Variants in CPT1C observed in about 807,000 individuals in gnomAD.
The protein encoded by CPT1C is palmitoyl thioesterase CPT1C.
A neutral mutation model predicts 97.3 loss-of-function variants in CPT1C; 61 were observed. That is an observed-to-expected ratio of 0.63 (90% confidence interval 0.51 to 0.78). CPT1C has a LOEUF of 0.78. Among genes scored for constraint, CPT1C ranks in the 30% least tolerant of loss-of-function variants. The pLI is 0.00. For missense variants in CPT1C, 975 were observed against 1,065.5 expected, an observed-to-expected ratio of 0.92 and a Z score of 1.18; for synonymous variants, 469 against 447.2, an observed-to-expected ratio of 1.05 and a Z score of -0.61.
chr19:49,700,843 C>A lies in CPT1C; in HGVS notation c.441C>A (p.Thr147=). 6.2e-7 allele frequency: 1 copy of A among 1,612,634 alleles called. No homozygotes were observed. Among genetic ancestry groups the A allele is most frequent in the Non-Finnish European group, 8.5e-7 (1 of 1,180,012 alleles). ...CCCACGGAGCCATGTCCTCCCCCAC[C>A]AAGACCTGGCTGGTATGGGAGGGGC... is the stretch of plus-strand genomic sequence containing the variant. ...LEPHGAMSSP[T]KTWLALVRIF... Residue 147 remains threonine (T), a synonymous_variant, in exon 5 of 20, where the codon ACC becomes ACA. Transcript: ENST00000598293.
At chr19:49,693,151 TACAG>T (rs2082448996) in intron 3 of CPT1C, among the ~76,000 whole-genome samples, 1 of 152,196 alleles carries the variant, frequency 6.6e-6, no homozygotes, top group Admixed American at 6.6e-5. Context: ...GCGCTTGGGT[TACAG>T]GAATGAGCCA....
rs754894318 is a variant in CPT1C at position 49,705,255 on chromosome 19, C to T, written c.921C>T (p.Tyr307=). The T allele has an allele frequency of 3.1e-6, 5 of 1,611,042 alleles. No homozygotes were observed. The highest frequency in any genetic ancestry group is 2.2e-5 in the South Asian group (2 of 91,014). Residue 307 remains tyrosine (Y), a synonymous_variant, in exon 10 of 20, where the codon TAC becomes TAT. Coordinates refer to ENST00000598293, the MANE Select transcript of CPT1C (RefSeq NM_001199753.2). Reference sequence around the variant, plus strand: ...TGCGCCCCTTATGCTCTGCCCAGTACGAGAAGATCTTCAACACCACGCGGA... The same window carrying T: ...TGCGCCCCTTATGCTCTGCCCAGTATGAGAAGATCTTCAACACCACGCGGA... The part of the protein sequence containing the change: ...MGMRPLCSAQ[Y]EKIFNTTRIP...
rs372076754 is a variant in CPT1C, at chr19:49,694,780, C to T, written c.141+2387C>T. 4.6e-5 allele frequency among the ~76,000 whole-genome samples: 7 copies of T among 152,250 alleles called. No individual in the cohort carries two copies. The East Asian group carries it at 9.7e-4, about 21-fold the overall frequency. Reference sequence around the variant, plus strand: ...ACAGCCACTGCCTTGAACTCCGAATCCCTCTCCCGCCCTTACCCTGGGACT... The same window carrying T: ...ACAGCCACTGCCTTGAACTCCGAATTCCTCTCCCGCCCTTACCCTGGGACT... On this transcript the variant is annotated intron_variant, in intron 3 of 19. Transcript: ENST00000598293.
At chr19:49,701,170 G>A in intron 5 of CPT1C, 147 bp from the exon 6 acceptor site, 1 of 672,444 alleles carries the variant, frequency 1.5e-6, no homozygotes, top group Non-Finnish European at 2.5e-6. Flanking sequence ...CTGTCTCTGG[G>A]TCTCTGTTCC....
intron 19 of CPT1C, 174 bp downstream of exon 19, chr19:49,713,238 A>G (rs1011362587): frequency 2.6e-5 from 16 of 622,116 alleles, no homozygotes; most frequent in Non-Finnish European, 4.1e-5. Context: ...CCAGGCCCCC[A>G]GCCCCTCCTC....
intron 7 of CPT1C, among the ~76,000 whole-genome samples, chr19:49,702,513 G>A (rs1357122262): frequency 2.0e-5 from 3 of 151,938 alleles, no homozygotes; most frequent in South Asian, 2.1e-4. Context: ...CCAGCTACTC[G>A]GGAGGCTGAG....
In CPT1C at chr19:49,705,932, A is replaced by G. The variant is rs1345415049; in HGVS notation, c.988A>G (p.Ser330Gly). 7.4e-6 allele frequency: 12 copies of G among 1,613,698 alleles called. No individual in the cohort carries two copies. Among genetic ancestry groups the G allele is most frequent in the Middle Eastern group, 1.7e-4 (1 of 6,048 alleles). ...QKDYIRHLHDSQHVAVFHRGR... is the reference protein window; with the variant it reads ...QKDYIRHLHDGQHVAVFHRGR... Reference sequence around the variant, plus strand: ...AGACTACATCCGCCACCTCCATGACAGCCAACACGTGGCTGTCTTCCACCG... The same window carrying G: ...AGACTACATCCGCCACCTCCATGACGGCCAACACGTGGCTGTCTTCCACCG... Residue 330 changes from serine (S) to glycine (G), a missense_variant, in exon 11 of 20, where the codon AGC (serine) becomes GGC (glycine). By Grantham distance (56) the Ser-to-Gly change is moderately conservative. This residue lies in a region of CPT1C where 596 missense variants were observed against 603.1 expected (regional missense o/e 0.99). Coordinates refer to ENST00000598293, the MANE Select transcript of CPT1C (RefSeq NM_001199753.2).
rs2083125350 is a variant in CPT1C, at chr19:49,701,969, A to AAATATATTT, written c.693+336_693+337insATATATTTA. The stretch of plus-strand genomic sequence containing the variant: ...TTATATATAAATATATTTATATATA[A>AAATATATTT]ATTTATAAATAAATATATAAATATT... On this transcript the variant is annotated intron_variant, in intron 7 of 19. Coordinates refer to ENST00000598293, the MANE Select transcript of CPT1C (RefSeq NM_001199753.2). Among the ~76,000 whole-genome samples the AAATATATTT allele has an allele frequency of 6.0e-5, 6 of 99,756 alleles. 1 individual carries two copies. Among genetic ancestry groups the AAATATATTT allele is most frequent in the South Asian group, 4.9e-4 (2 of 4,060 alleles). 65.4% of individuals were successfully genotyped at this position (99,756 alleles called of 152,430 possible). A position where few individuals can be genotyped will look rare whatever the true frequency, so the allele number is the denominator to read the frequency against.
In CPT1C at chr19:49,706,219, C is replaced by T. The variant is rs374293545; in HGVS notation, c.1161-12C>T. On this transcript the variant is annotated splice_polypyrimidine_tract_variant and intron_variant, in intron 11 of 19. Transcript: ENST00000598293. This position sits in a 1 kb window ranked among gnomAD's most constrained non-coding sequence, Gnocchi z 4.8. Reference sequence around the variant, plus strand: ...GGGCAGGATGGACTCAGGCACATCCCGGGCCCTCCAGGGGCACGTGGGCCC... The same window carrying T: ...GGGCAGGATGGACTCAGGCACATCCTGGGCCCTCCAGGGGCACGTGGGCCC... 32 of 1,533,362 alleles carry T rather than the reference C, an allele frequency of 2.1e-5. No homozygotes were observed. Among genetic ancestry groups the T allele is most frequent in the African/African-American group, 4.2e-5 (3 of 71,976 alleles). 95.0% of individuals were successfully genotyped at this position (1,533,362 alleles called of 1,614,324 possible). A position where few individuals can be genotyped will look rare whatever the true frequency, so the allele number is the denominator to read the frequency against.
intron 19 of CPT1C, 53 bp from the exon 20 acceptor site, chr19:49,713,367 C>T: frequency 6.6e-7 from 1 of 1,512,280 alleles, no homozygotes; most frequent in Non-Finnish European, 9.0e-7. Flanking sequence ...GTTTCTCAGC[C>T]TCCAGGATCC....
intron 17 of CPT1C, 129 bp from the exon 18 acceptor site, chr19:49,712,607 G>T: frequency 1.5e-6 from 1 of 683,122 alleles, no homozygotes. Flanking sequence ...CAGGAGAAGG[G>T]CGTGGTTAGG....
chr19:49,708,067 C>T (rs746360055), intron 13 of CPT1C, among the ~76,000 whole-genome samples: 27 of 149,716 alleles, frequency 1.8e-4, no homozygotes, highest in Non-Finnish European at 3.8e-4. Flanking sequence ...CAGAGGCTGG[C>T]CCAGGGTCAC....
intron 16 of CPT1C, 105 bp from the exon 17 acceptor site, chr19:49,711,704 C>T: frequency 1.7e-6 from 2 of 1,204,132 alleles, no homozygotes; most frequent in Non-Finnish European, 2.3e-6. Context: ...ATATTCCCAC[C>T]TTGCAGGGAT....
At chr19:49,712,533 AGAG>A in intron 17 of CPT1C, 200 bp from the exon 18 acceptor site, 1 of 573,512 alleles carries the variant, frequency 1.7e-6, no homozygotes, top group South Asian at 2.0e-5. Flanking sequence ...CCGAGGGAGA[AGAG>A]GAGAGGGACG....
In CPT1C at chr19:49,713,429, A is replaced by C. The variant is rs370367604; in HGVS notation, c.2236A>C (p.Arg746=). ...KKSSTKTDSH[R]LGQHIEDALL... is the part of the protein sequence containing the mutation. ...CCTGTTCTCCTTCCAGGATTCCCAC[A>C]GGCTGGGGCAGCACATTGAGGACGC... The change falls in exon 20 of 20, where the codon AGG becomes CGG. Residue 746 remains arginine, a synonymous_variant. Transcript: ENST00000598293. 2 of 1,610,410 alleles carry C rather than the reference A, an allele frequency of 1.2e-6. No homozygotes were observed. Among genetic ancestry groups the C allele is most frequent in the African/African-American group, 2.7e-5 (2 of 74,770 alleles).
chr19:49,707,576 G>A lies in CPT1C; in HGVS notation c.1402G>A (p.Val468Met), dbSNP rs146072637. The A allele has an allele frequency of 3.7e-5, 60 of 1,613,848 alleles. No homozygotes were observed. The highest frequency in any genetic ancestry group is 1.5e-4 in the Admixed American group (9 of 59,972). ...VFSNGKLGLSVEHSWADCPIS... is the reference protein window; with the variant it reads ...VFSNGKLGLSMEHSWADCPIS... ...CTCTAACGGGAAGCTGGGCCTCAGCGTGGAGCACTCCTGGGCCGACTGCCC... is the reference window on the plus strand; with the variant it reads ...CTCTAACGGGAAGCTGGGCCTCAGCATGGAGCACTCCTGGGCCGACTGCCC... The change falls in exon 13 of 20, where the codon GTG becomes ATG. Residue 468 changes from valine to methionine, a missense_variant. This residue lies in a region of CPT1C where 35 missense variants were observed against 66.6 expected (regional missense o/e 0.53). Transcript: ENST00000598293.
rs1224331649 is a variant in CPT1C at position 49,706,584 on chromosome 19, A to T, written c.1343+171A>T. 3.3e-5 allele frequency among the ~76,000 whole-genome samples: 5 copies of T among 151,988 alleles called. No homozygotes were observed. In the South Asian group the frequency reaches 1.0e-3, roughly 32 times the overall value. ...AGACCCAGTGCTTTGGGACCTGGAG[A>T]CCTCTGACCTGGGGAACCCCTCAAC... On this transcript the variant is annotated intron_variant, in intron 12 of 19. Coordinates refer to ENST00000598293, the MANE Select transcript of CPT1C (RefSeq NM_001199753.2). The surrounding 1 kb of genome is among the most constrained non-coding windows in gnomAD (Gnocchi z 4.8).
Position 49,706,182 on chromosome 19 carries a change from C to T in CPT1C, c.1161-49C>T. The T allele has an allele frequency of 1.3e-6, 2 of 1,547,534 alleles. No homozygotes were observed. The highest frequency in any genetic ancestry group is 1.2e-5 in the South Asian group (1 of 81,486). ...AGACTGTGGAAGGGCAGGGTGGGGC[C>T]AGGTGGCGGCTGGGCAGGATGGACT... On this transcript the variant is annotated intron_variant, in intron 11 of 19. Transcript: ENST00000598293. This position sits in a 1 kb window ranked among gnomAD's most constrained non-coding sequence, Gnocchi z 4.8.
rs1481643665 is a variant in CPT1C at position 49,701,910 on chromosome 19, T to A, written c.693+276T>A. Among the ~76,000 whole-genome samples the A allele has an allele frequency of 1.8e-5, 2 of 113,844 alleles. 1 individual carries two copies. Among genetic ancestry groups the A allele is most frequent in the African/African-American group, 6.6e-5 (2 of 30,124 alleles). The allele number at this position is 113,844 out of a possible 152,430, so 74.7% of individuals were successfully genotyped here. On this transcript the variant is annotated intron_variant, in intron 7 of 19. Coordinates refer to ENST00000598293, the MANE Select transcript of CPT1C (RefSeq NM_001199753.2). The stretch of plus-strand genomic sequence containing the variant: ...TATATTTATTTATAAATATATATAT[T>A]TATATTTATATACAAATATTAATAT...
Sources: allele counts gnomAD v4.1 joint callset (sites outside exome capture counted in the v4.1 genomes callset), GRCh38; gene constraint gnomAD v4.1.1; regional missense constraint gnomAD v4.1.1; non-coding constraint Gnocchi (gnomAD v3.1); transcripts MANE v1.5; gene names NCBI Gene and HGNC (gene_info 2026-07-23, HGNC 2026-07-21).